The following IL15 variants were observed in gnomAD, a reference collection of about 807,000 sequenced individuals.
IL15 encodes interleukin-15.
Under a neutral mutation model 19.6 loss-of-function variants are expected in IL15, and 11 were observed. The ratio of observed to expected loss-of-function variants is 0.56; its 90% CI spans 0.35 to 0.93. The LOEUF is 0.93. Among genes scored for constraint, IL15 ranks in the 40% least tolerant of loss-of-function variants. IL15 has a pLI of 0.01. For synonymous variants in IL15, 58 were observed against 59.6 expected, an observed-to-expected ratio of 0.97 and a Z score of 0.12; for missense variants, 197 against 186.5, an observed-to-expected ratio of 1.06 and a Z score of -0.33.
At chr4:141,721,743 A>G in intron 4 of IL15, 181 bp from the exon 5 acceptor site, 1 of 627,466 alleles carries the variant, frequency 1.6e-6, no homozygotes, top group South Asian at 2.1e-5. Flanking sequence ...TAAAATGCCA[A>G]AATTGTACTA....
chr4:141,726,134 T>C (rs1730256192), intron 5 of IL15, among the ~76,000 whole-genome samples: 1 of 152,066 alleles, frequency 6.6e-6, no homozygotes, highest in Admixed American at 6.6e-5. Flanking sequence ...TACTGCCACA[T>C]TGGGGATTAA....
chr4:141,707,297 C>A (rs1729550439), intron 2 of IL15, among the ~76,000 whole-genome samples: 1 of 152,032 alleles, frequency 6.6e-6, no homozygotes, highest in South Asian at 2.1e-4. Context: ...ATGCATTTCT[C>A]ATTCCAATTA....
At chr4:141,723,109 C>T (rs1286213311) in intron 5 of IL15, among the ~76,000 whole-genome samples, 1 of 152,086 alleles carries the variant, frequency 6.6e-6, no homozygotes, top group Admixed American at 6.6e-5. Context: ...CACCACCCAT[C>T]TATACTATCT....
chr4:141,685,199 C>A (rs922424628), intron 2 of IL15, among the ~76,000 whole-genome samples: 6 of 152,064 alleles, frequency 3.9e-5, no homozygotes, highest in Non-Finnish European at 7.4e-5. Context: ...GGTCCTAGGA[C>A]CCCCCTAGAG....
At chr4:141,699,768 T>C (rs1442281749) in intron 2 of IL15, among the ~76,000 whole-genome samples, 1 of 152,224 alleles carries the variant, frequency 6.6e-6, no homozygotes, top group East Asian at 1.9e-4. Flanking sequence ...TTAGTGGCTG[T>C]TTTATCCATT....
At chr4:141,692,853 T>C (rs1361800814) in intron 2 of IL15, among the ~76,000 whole-genome samples, 1 of 151,760 alleles carries the variant, frequency 6.6e-6, no homozygotes, top group African/African-American at 2.4e-5. Flanking sequence ...CGTCTGCCTA[T>C]TACCCAGTTC....
chr4:141,726,972 C>T (rs765010591), intron 5 of IL15, among the ~76,000 whole-genome samples: 5 of 152,148 alleles, frequency 3.3e-5, no homozygotes, highest in African/African-American at 4.8e-5. Flanking sequence ...AAAGGCTTCA[C>T]ACTGTATGAT....
intron 2 of IL15, among the ~76,000 whole-genome samples, chr4:141,699,523 A>AT (rs983029247): frequency 6.6e-6 from 1 of 152,188 alleles, no homozygotes; most frequent in African/African-American, 2.4e-5. Flanking sequence ...TGTTAGGTGC[A>AT]TATAAATTTA....
intron 2 of IL15, among the ~76,000 whole-genome samples, chr4:141,672,229 T>C (rs1728198701): frequency 6.6e-6 from 1 of 152,234 alleles, no homozygotes; most frequent in Non-Finnish European, 1.5e-5. Flanking sequence ...TTAATTCTTG[T>C]TACTTTATTA....
At chr4:141,660,206 G>A (rs2152161316) in intron 2 of IL15, among the ~76,000 whole-genome samples, 1 of 152,202 alleles carries the variant, frequency 6.6e-6, no homozygotes, top group South Asian at 2.1e-4. Context: ...TCTGCCAACC[G>A]AATCTCACTT....
chr4:141,718,030 AT>A (rs1282754448), intron 2 of IL15: 1 of 152,086 alleles, frequency 6.6e-6, no homozygotes, highest in African/African-American at 2.4e-5. Context: ...GACATTTTCT[AT>A]TGCATTCCTC....
chr4:141,714,632 CTG>C (rs1729815767), intron 2 of IL15: 1 of 152,246 alleles, frequency 6.6e-6, no homozygotes, highest in Non-Finnish European at 1.5e-5. Flanking sequence ...AGTGCTGAAA[CTG>C]TGTCTTGCTT....
At chr4:141,656,779 A>G (rs989000746) in intron 2 of IL15, among the ~76,000 whole-genome samples, 3 of 152,218 alleles carry the variant, frequency 2.0e-5, no homozygotes, top group Admixed American at 1.3e-4. Context: ...ATTTTGAAAG[A>G]ACTTGCGTGC....
At chr4:141,642,365 C>G (rs553911991) in intron 1 of IL15, among the ~76,000 whole-genome samples, 36 of 152,242 alleles carry the variant, frequency 2.4e-4, no homozygotes, top group Non-Finnish European at 5.0e-4. Flanking sequence ...CCTTTAGAAC[C>G]GTCTATGTCC....
intron 2 of IL15, among the ~76,000 whole-genome samples, chr4:141,688,650 T>TG (rs148048836): frequency 0.11 from 17,336 of 152,280 alleles, 1,100 homozygotes; most frequent in Non-Finnish European, 0.15. Flanking sequence ...TTGGAACTCA[T>TG]GGTTTTAGAC....
intron 2 of IL15, among the ~76,000 whole-genome samples, chr4:141,693,965 A>G (rs540863786): frequency 2.0e-5 from 3 of 152,278 alleles, no homozygotes; most frequent in Non-Finnish European, 4.4e-5. Context: ...TATTACTGAT[A>G]TGAATGATCC....
chr4:141,715,151 G>A, intron 2 of IL15: 1 of 152,078 alleles, frequency 6.6e-6, no homozygotes. Context: ...CCTGCAATCT[G>A]TCTGGAAATT....
chr4:141,720,651 C>T (rs184528601), intron 4 of IL15, 85 bp downstream of exon 4: 37 of 831,698 alleles, frequency 4.4e-5, no homozygotes, highest in Admixed American at 2.0e-4. Context: ...AATTAGTTTA[C>T]GTTCAGTTTG....
Position 141,729,462 on chromosome 4 carries a change from A to G in IL15, c.241-385A>G, listed in dbSNP as rs544627301. ...TAATTAGCAGCTACCACTATTTAAA[A>G]TGTTAACAACACAATTTGATTCTAA... On this transcript the variant is annotated intron_variant, in intron 6 of 7. Transcript: ENST00000320650. Among the ~76,000 whole-genome samples, 4 of 152,290 alleles carry G rather than the reference A, an allele frequency of 2.6e-5. No homozygotes were observed. In the East Asian group the frequency reaches 7.7e-4, roughly 29 times the overall value.
Sources: allele counts gnomAD v4.1 joint callset (sites outside exome capture counted in the v4.1 genomes callset), GRCh38; gene constraint gnomAD v4.1.1; transcripts MANE v1.5; gene names NCBI Gene and HGNC (gene_info 2026-07-23, HGNC 2026-07-21).